Variants in DGKG observed in about 807,000 individuals in gnomAD.
The protein encoded by DGKG is diacylglycerol kinase gamma.
In DGKG, 78 loss-of-function variants were observed where a neutral mutation model predicts 105.3. The ratio of observed to expected loss-of-function variants is 0.74; its 90% CI spans 0.62 to 0.89. The LOEUF (loss-of-function observed/expected upper bound fraction) is 0.89. Among genes scored for constraint, DGKG ranks in the 40% least tolerant of loss-of-function variants. The pLI is 0.00. For missense variants in DGKG, 958 were observed against 1,020.1 expected (o/e 0.94, Z 0.83); for synonymous variants, 346 against 367.1 (o/e 0.94, Z 0.66).
chr3:186,150,283 A>G, intron 24 of DGKG, 95 bp from the exon 25 acceptor site: 2 of 1,452,558 alleles, frequency 1.4e-6, no homozygotes, highest in South Asian at 2.6e-5. Context: ...CAGCTTCAGG[A>G]TGGAAGGAGC....
chr3:186,265,880 C>A (rs1722032020), intron 13 of DGKG, among the ~76,000 whole-genome samples: 1 of 151,936 alleles, frequency 6.6e-6, no homozygotes, highest in African/African-American at 2.4e-5. Context: ...CCATGTTGGC[C>A]AGGATGGTCT....
Position 186,147,401 on chromosome 3 carries a change from C to T in DGKG, c.*2689G>A, listed in dbSNP as rs1339651366. On this transcript the variant is annotated 3_prime_UTR_variant, in exon 25 of 25. Transcript: ENST00000265022. ...TGAGATCGAGATAATAATACCTTCT[C>T]TGCTAACCTCAGAGGTTGCTATGAG... The T allele has an allele frequency of 2.0e-6, 2 of 980,046 alleles. No homozygotes were observed. Among genetic ancestry groups the T allele is most frequent in the Non-Finnish European group, 2.4e-6 (2 of 824,900 alleles). The allele number at this position is 980,046 out of a possible 1,614,324, so 60.7% of individuals were successfully genotyped here. A position where few individuals can be genotyped will look rare whatever the true frequency, so the allele number is the denominator to read the frequency against.
At chr3:186,326,067 C>T (rs896448103) in intron 1 of DGKG, among the ~76,000 whole-genome samples, 18 of 152,272 alleles carry the variant, frequency 1.2e-4, no homozygotes, top group Middle Eastern at 3.4e-3. Context: ...GGTGTCATTG[C>T]TTCTAGGCCC....
intron 20 of DGKG, among the ~76,000 whole-genome samples, chr3:186,222,026 C>T (rs531305718): frequency 2.0e-3 from 303 of 152,284 alleles, no homozygotes; most frequent in African/African-American, 6.7e-3. Flanking sequence ...ACGTCTACCC[C>T]CTGCGGTAGG....
chr3:186,352,646 C>A (rs979225597), intron 1 of DGKG, among the ~76,000 whole-genome samples: 1 of 152,138 alleles, frequency 6.6e-6, no homozygotes, highest in East Asian at 1.9e-4. Context: ...GCCTGGTGGC[C>A]ACCTTTGGCT....
rs1715585085 is a variant in DGKG at position 186,148,093 on chromosome 3, G to A, written c.*1997C>T. On this transcript the variant is annotated 3_prime_UTR_variant, in exon 25 of 25. Coordinates refer to ENST00000265022, the MANE Select transcript of DGKG (RefSeq NM_001346.3). Reference sequence around the variant, plus strand: ...AAGATTAGAGGCAGCTCAGTGGAACGATATCAAGTGGGTCCAAGTTTCCAC... The same window carrying A: ...AAGATTAGAGGCAGCTCAGTGGAACAATATCAAGTGGGTCCAAGTTTCCAC... 6.1e-6 allele frequency: 6 copies of A among 985,384 alleles called. No individual in the cohort carries two copies. The highest frequency in any genetic ancestry group is 1.7e-5 in the African/African-American group (1 of 57,328). 61.0% of individuals were successfully genotyped at this position (985,384 alleles called of 1,614,324 possible).
At chr3:186,155,721 A>G (rs978329698) in intron 24 of DGKG, among the ~76,000 whole-genome samples, 11 of 152,198 alleles carry the variant, frequency 7.2e-5, no homozygotes, top group Middle Eastern at 3.2e-3. Context: ...TTCTTGACAC[A>G]TGGGTCTACA....
intron 21 of DGKG, among the ~76,000 whole-genome samples, chr3:186,206,151 C>T (rs1203804375): frequency 9.9e-5 from 15 of 152,074 alleles, no homozygotes; most frequent in East Asian, 9.6e-4. Context: ...TTTGGGACGC[C>T]GAGGCAGGTG....
intron 1 of DGKG, among the ~76,000 whole-genome samples, chr3:186,346,545 TC>T (rs1435791495): frequency 6.6e-6 from 1 of 152,070 alleles, no homozygotes; most frequent in Non-Finnish European, 1.5e-5. Flanking sequence ...AAACAACAGG[TC>T]TTTTTGGTCT....
intron 22 of DGKG, among the ~76,000 whole-genome samples, chr3:186,175,168 G>A (rs1322478517): frequency 6.6e-6 from 1 of 152,132 alleles, no homozygotes; most frequent in African/African-American, 2.4e-5. Flanking sequence ...CTATCCCTAA[G>A]GTCTATTTAT....
At position 186,284,700 on chromosome 3, in the gene DGKG, C is replaced by G. The variant is rs773823073; in HGVS notation, c.554G>C (p.Arg185Pro). 1.2e-6 allele frequency: 2 copies of G among 1,613,818 alleles called. No individual in the cohort carries two copies. Among genetic ancestry groups the G allele is most frequent in the Non-Finnish European group, 8.5e-7 (1 of 1,179,764 alleles). The change falls in exon 7 of 25, where the codon CGC (arginine) becomes CCC (proline). Residue 185 changes from arginine to proline, a missense_variant. By Grantham distance (103) the Arg-to-Pro change is moderately radical. Transcript: ENST00000265022. The surrounding 1 kb of genome is among the most constrained non-coding windows in gnomAD (Gnocchi z 4.0). ...RPQDKLEFMF[R>P]LYDSDENGLL... ...ACCGTTCTCATCTGAATCATAGAGG[C>G]GAAACATGACTGTAAGAAACACAGA...
chr3:186,257,419 C>T (rs1721531825), intron 17 of DGKG, among the ~76,000 whole-genome samples: 1 of 152,198 alleles, frequency 6.6e-6, no homozygotes, highest in Non-Finnish European at 1.5e-5. Context: ...CTGATCTGTA[C>T]TTTCTAGATG....
rs574718062 is a variant in DGKG at position 186,272,351 on chromosome 3, GAA to G, written c.911-10_911-9del. 1 of 1,607,602 alleles carries G rather than the reference GAA, an allele frequency of 6.2e-7. No homozygotes were observed. Among genetic ancestry groups the G allele is most frequent in the Non-Finnish European group, 8.5e-7 (1 of 1,175,062 alleles). ...GGACAGTGTATTTACAGTCTGAAAA[GAA>G]AAAAAGTCAAGGCAGGTGCTTGTGA... On this transcript the variant is annotated splice_polypyrimidine_tract_variant and intron_variant, in intron 10 of 24. Coordinates refer to ENST00000265022, the MANE Select transcript of DGKG (RefSeq NM_001346.3).
At chr3:186,357,868 C>T (rs745460567) in intron 1 of DGKG, among the ~76,000 whole-genome samples, 37 of 152,208 alleles carry the variant, frequency 2.4e-4, no homozygotes, top group Non-Finnish European at 4.1e-4. Context: ...TGTGCATTCT[C>T]CAATATGATA....
chr3:186,325,604 C>T (rs935635871), intron 1 of DGKG, among the ~76,000 whole-genome samples: 9 of 151,800 alleles, frequency 5.9e-5, no homozygotes, highest in Non-Finnish European at 1.2e-4. Context: ...TCCATCATTC[C>T]CTTTATATTT....
At chr3:186,265,863 G>T (rs1453865369) in intron 13 of DGKG, among the ~76,000 whole-genome samples, 1 of 151,810 alleles carries the variant, frequency 6.6e-6, no homozygotes, top group East Asian at 1.9e-4. Context: ...GTAGAGATGG[G>T]GTTTCACCAT....
chr3:186,284,842 C>A lies in DGKG; in HGVS notation c.545-133G>T. 1.4e-6 allele frequency: 1 copy of A among 711,968 alleles called. No individual in the cohort carries two copies. The highest frequency in any genetic ancestry group is 2.4e-6 in the Non-Finnish European group (1 of 408,566). 44.1% of individuals were successfully genotyped at this position (711,968 alleles called of 1,614,324 possible). A position where few individuals can be genotyped will look rare whatever the true frequency, so the allele number is the denominator to read the frequency against. On this transcript the variant is annotated intron_variant, in intron 6 of 24. Coordinates refer to ENST00000265022, the MANE Select transcript of DGKG (RefSeq NM_001346.3). This position sits in a 1 kb window ranked among gnomAD's most constrained non-coding sequence, Gnocchi z 4.0. ...AGGTTATGGCAGCCAGCTCTCCCTC[C>A]CTCTGAGCACAGAGTCTGACTTCCT... is the stretch of plus-strand genomic sequence containing the variant.
intron 1 of DGKG, among the ~76,000 whole-genome samples, chr3:186,329,028 C>G (rs1023036377): frequency 2.0e-5 from 3 of 152,178 alleles, no homozygotes; most frequent in Non-Finnish European, 4.4e-5. Flanking sequence ...CTCTAGCTCA[C>G]GAAGCTCGGC....
intron 2 of DGKG, among the ~76,000 whole-genome samples, chr3:186,315,045 G>A (rs933699730): frequency 2.0e-5 from 3 of 152,142 alleles, no homozygotes; most frequent in Admixed American, 2.0e-4. Flanking sequence ...CACCCTCTGC[G>A]GTAGAAATCT....
Sources: allele counts gnomAD v4.1 joint callset (sites outside exome capture counted in the v4.1 genomes callset), GRCh38; gene constraint gnomAD v4.1.1; non-coding constraint Gnocchi (gnomAD v3.1); transcripts MANE v1.5; gene names NCBI Gene and HGNC (gene_info 2026-07-23, HGNC 2026-07-21).